POLK: variants seen among roughly 807,000 people sequenced by gnomAD.
POLK encodes polymerase (DNA directed) kappa.
POLK carries 76 observed loss-of-function variants against 94.0 expected under a neutral mutation model. The ratio of observed to expected loss-of-function variants is 0.81; its 90% CI spans 0.67 to 0.98. POLK has a LOEUF of 0.98. Ranked by LOEUF, POLK falls within the 50% of genes least tolerant of loss-of-function variation. POLK has a pLI of 0.00. For missense variants in POLK, 954 were observed against 1,010.1 expected (o/e 0.94, Z 0.75); for synonymous variants, 349 against 325.4 (o/e 1.07, Z -0.78).
intron 1 of POLK, among the ~76,000 whole-genome samples, chr5:75,526,662 A>G (rs1440415554): frequency 2.0e-5 from 3 of 150,168 alleles, no homozygotes; most frequent in Non-Finnish European, 3.0e-5. Flanking sequence ...GCTCACTGCA[A>G]CCTCCACCTA....
At chr5:75,605,112 T>TACACAC (rs1466481997), downstream of POLK, among the ~76,000 whole-genome samples, 2 of 77,296 alleles carry the variant, frequency 2.6e-5, no homozygotes, top group Non-Finnish European at 2.4e-5. Flanking sequence ...CTTTCCTGTA[T>TACACAC]ACACATACAC....
exon 13 of POLK, chr5:75,596,262 A>T: frequency 6.2e-7 from 1 of 1,611,848 alleles, no homozygotes; most frequent in Non-Finnish European, 8.5e-7. Context: ...AGGACAGGAA[A>T]CACCAACAAA....
At chr5:75,594,532 C>A (rs1772966770) in intron 12 of POLK, among the ~76,000 whole-genome samples, 1 of 152,164 alleles carries the variant, frequency 6.6e-6, no homozygotes, top group African/African-American at 2.4e-5. Flanking sequence ...AAATTCAAAA[C>A]TTTTCAGATT....
chr5:75,602,057 C>A (rs1332034423), downstream of POLK, among the ~76,000 whole-genome samples: 2 of 152,176 alleles, frequency 1.3e-5, no homozygotes, highest in East Asian at 3.9e-4. Flanking sequence ...CAGTCACAAG[C>A]TTCCTGGTGC....
At chr5:75,555,781 T>C (rs1770591808) in intron 3 of POLK, among the ~76,000 whole-genome samples, 1 of 152,188 alleles carries the variant, frequency 6.6e-6, no homozygotes, top group South Asian at 2.1e-4. Flanking sequence ...ACTCCTGGCC[T>C]CATGTCATCC....
chr5:75,540,445 T>A (rs1377340113), intron 1 of POLK, among the ~76,000 whole-genome samples: 1 of 152,054 alleles, frequency 6.6e-6, no homozygotes, highest in Non-Finnish European at 1.5e-5. Context: ...TAGCTGGGAC[T>A]ACAGGCACAT....
chr5:75,576,021 G>C lies in POLK; in HGVS notation c.541-759G>C, dbSNP rs566877482. Among the ~76,000 whole-genome samples the C allele has an allele frequency of 8.6e-5, 13 of 151,402 alleles. No homozygotes were observed. The South Asian group carries it at 1.0e-3, about 12-fold the overall frequency. ...ATTATAGCTAATACTTAAGTGGTTA[G>C]AAAAAAAAGTCATAGTTTTATGTAG... On this transcript the variant is annotated intron_variant, in intron 5 of 14. Coordinates refer to ENST00000241436, the Ensembl canonical transcript of POLK.
intron 1 of POLK, among the ~76,000 whole-genome samples, chr5:75,546,791 T>C (rs958529928): frequency 6.6e-6 from 1 of 151,840 alleles, no homozygotes; most frequent in African/African-American, 2.4e-5. Flanking sequence ...TCAGCCTCCC[T>C]AGTAGCTGGG....
the POLK span, among the ~76,000 whole-genome samples, chr5:75,607,486 A>G: frequency 1.3e-5 from 2 of 150,822 alleles, no homozygotes. Context: ...AAAAAAAAAA[A>G]GGAAGTACTG....
exon 15 of POLK, chr5:75,598,004 A>G (rs748800277): frequency 2.3e-6 from 3 of 1,298,524 alleles, no homozygotes; most frequent in Admixed American, 4.6e-5. Flanking sequence ...TACCCTTGAT[A>G]TATTTTTTAA....
At position 75,584,751 on chromosome 5, in the gene POLK, C is replaced by T; in HGVS notation, c.1060-9C>T. ...AATCTATTAATAATAAATATTGATTCTTTTCTAGGTTTCTGGAATAGGAAA... is the reference window on the plus strand; with the variant it reads ...AATCTATTAATAATAAATATTGATTTTTTTCTAGGTTTCTGGAATAGGAAA... On this transcript the variant is annotated splice_polypyrimidine_tract_variant and intron_variant, in intron 8 of 14. Coordinates refer to ENST00000241436, the Ensembl canonical transcript of POLK. 1 of 1,427,754 alleles carries T rather than the reference C, an allele frequency of 7.0e-7. No individual in the cohort carries two copies. Among genetic ancestry groups the T allele is most frequent in the South Asian group, 1.3e-5 (1 of 76,940 alleles). 88.4% of individuals were successfully genotyped at this position (1,427,754 alleles called of 1,614,324 possible). A position where few individuals can be genotyped will look rare whatever the true frequency, so the allele number is the denominator to read the frequency against.
downstream of POLK, among the ~76,000 whole-genome samples, chr5:75,602,080 G>A (rs1311140092): frequency 6.6e-6 from 1 of 152,120 alleles, no homozygotes; most frequent in African/African-American, 2.4e-5. Flanking sequence ...CTTCCTTGTT[G>A]AGTCACATGG....
intron 4 of POLK, among the ~76,000 whole-genome samples, chr5:75,572,518 A>C (rs183941498): frequency 6.6e-6 from 1 of 152,318 alleles, no homozygotes; most frequent in East Asian, 1.9e-4. Context: ...TTATTTTATG[A>C]CTATTCTATA....
intron 1 of POLK, among the ~76,000 whole-genome samples, chr5:75,531,202 A>G (rs1025880334): frequency 4.6e-5 from 7 of 151,682 alleles, no homozygotes; most frequent in Admixed American, 2.0e-4. Flanking sequence ...TTTGGCATCA[A>G]TTATTCTGTT....
chr5:75,551,118 CA>C (rs1770312821), intron 2 of POLK, among the ~76,000 whole-genome samples: 1 of 151,704 alleles, frequency 6.6e-6, no homozygotes, highest in South Asian at 2.1e-4. Context: ...CTTAAAGAGC[CA>C]AAACAATACA....
intron 8 of POLK, 152 bp downstream of exon 8, chr5:75,583,569 A>T (rs1045277471): frequency 4.6e-6 from 2 of 431,314 alleles, no homozygotes; most frequent in African/African-American, 4.1e-5. Flanking sequence ...GGACTTGAAG[A>T]AACCTTTCTA....
intron 1 of POLK, among the ~76,000 whole-genome samples, chr5:75,517,809 T>C (rs1486647263): frequency 1.3e-5 from 2 of 152,240 alleles, no homozygotes; most frequent in Non-Finnish European, 2.9e-5. Flanking sequence ...GGGAACATGT[T>C]CCTGCTGTAT....
intron 3 of POLK, 110 bp from the exon 4 acceptor site, chr5:75,569,230 T>C: frequency 1.5e-6 from 1 of 688,568 alleles, no homozygotes; most frequent in South Asian, 2.0e-5. Flanking sequence ...GATGAATGGG[T>C]GTGTGGACAG....
exon 7 of POLK, chr5:75,581,435 G>A: frequency 6.2e-7 from 1 of 1,613,578 alleles, no homozygotes; most frequent in Admixed American, 1.7e-5. Flanking sequence ...AAACAACACT[G>A]ACAGCCAGTG....
Sources: allele counts gnomAD v4.1 joint callset (sites outside exome capture counted in the v4.1 genomes callset), GRCh38; gene constraint gnomAD v4.1.1; transcripts MANE v1.5; gene names NCBI Gene and HGNC (gene_info 2026-07-23, HGNC 2026-07-21).